The following PDE4D variants were observed in gnomAD, a reference collection of about 807,000 sequenced individuals.
The protein encoded by PDE4D is 3',5'-cyclic-AMP phosphodiesterase 4D.
A neutral mutation model predicts 87.4 loss-of-function variants in PDE4D; 24 were observed. The ratio of observed to expected loss-of-function variants is 0.27; its 90% CI spans 0.20 to 0.39. The LOEUF (loss-of-function observed/expected upper bound fraction) is 0.39. Ranked by LOEUF, PDE4D falls within the 10% of genes least tolerant of loss-of-function variation. The pLI is 1.00. For synonymous variants in PDE4D, 384 were observed against 383.2 expected (o/e 1.00, Z -0.02); for missense variants, 714 against 1,041.0 (o/e 0.69, Z 4.32).
intron 1 of PDE4D, among the ~76,000 whole-genome samples, chr5:59,696,804 C>G (rs937210976): frequency 2.6e-5 from 4 of 152,220 alleles, no homozygotes; most frequent in Admixed American, 1.3e-4. Context: ...AATAACTGTG[C>G]TTCACACAGC....
At chr5:60,428,488 C>T (rs1294146178) in intron 1 of PDE4D, among the ~76,000 whole-genome samples, 1 of 152,068 alleles carries the variant, frequency 6.6e-6, no homozygotes, top group Non-Finnish European at 1.5e-5. Context: ...TATACTGATG[C>T]CTGAAGGTAT....
intron 1 of PDE4D, among the ~76,000 whole-genome samples, chr5:59,612,567 A>G (rs193238786): frequency 1.8e-4 from 27 of 152,308 alleles, no homozygotes; most frequent in African/African-American, 6.5e-4. Flanking sequence ...AGGAGAGATG[A>G]AAAATAAACA....
chr5:59,447,703 T>C (rs987267764), intron 1 of PDE4D, among the ~76,000 whole-genome samples: 2 of 152,224 alleles, frequency 1.3e-5, no homozygotes, highest in Admixed American at 1.3e-4. Flanking sequence ...AAGAATCTGA[T>C]TGTGTTATTG....
chr5:59,728,934 G>A (rs1300094717), intron 1 of PDE4D, among the ~76,000 whole-genome samples: 1 of 152,012 alleles, frequency 6.6e-6, no homozygotes, highest in Non-Finnish European at 1.5e-5. Flanking sequence ...CACTTCTTAT[G>A]CTTATAATAT....
chr5:60,269,561 T>C (rs1750601917), intron 1 of PDE4D, among the ~76,000 whole-genome samples: 1 of 152,220 alleles, frequency 6.6e-6, no homozygotes, highest in Non-Finnish European at 1.5e-5. Flanking sequence ...TTTGGTTATA[T>C]TTTTGTTGGT....
chr5:59,448,165 TA>T (rs1221448526), intron 1 of PDE4D, among the ~76,000 whole-genome samples: 1 of 152,232 alleles, frequency 6.6e-6, no homozygotes, highest in Non-Finnish European at 1.5e-5. Context: ...TGGTAAAGGC[TA>T]AAGTATTTTG....
Position 60,144,770 on chromosome 5 carries a change from A to G in PDE4D, c.42+40787T>C, listed in dbSNP as rs562107235. Among the ~76,000 whole-genome samples, 2 of 152,334 alleles carry G rather than the reference A, an allele frequency of 1.3e-5. 1 individual carries two copies. Among genetic ancestry groups the G allele is most frequent in the South Asian group, 4.1e-4 (2 of 4,826 alleles). On this transcript the variant is annotated intron_variant, in intron 2 of 16. Transcript: ENST00000502484. ...CTTCTTCACTATACTTAAGCATCCC[A>G]AGACAGAATTTTGCCTTTGTCCAAT...
intron 1 of PDE4D, among the ~76,000 whole-genome samples, chr5:59,766,261 G>T (rs1762779401): frequency 6.6e-6 from 1 of 152,116 alleles, no homozygotes; most frequent in African/African-American, 2.4e-5. Context: ...GTCCATAGGG[G>T]AAACTGCTTC....
intron 2 of PDE4D, among the ~76,000 whole-genome samples, chr5:60,024,307 AC>A (rs1766398550): frequency 6.6e-6 from 1 of 152,208 alleles, no homozygotes; most frequent in East Asian, 1.9e-4. Context: ...ATGTACTTAA[AC>A]AAAAGTTCTG....
intron 1 of PDE4D, among the ~76,000 whole-genome samples, chr5:59,264,854 C>T (rs764432642): frequency 2.6e-5 from 4 of 152,152 alleles, no homozygotes; most frequent in East Asian, 1.9e-4. Context: ...TAACACTTCA[C>T]GCCACAAGAA....
At chr5:59,353,569 G>A (rs1163145966) in intron 1 of PDE4D, among the ~76,000 whole-genome samples, 1 of 152,084 alleles carries the variant, frequency 6.6e-6, no homozygotes, top group Non-Finnish European at 1.5e-5. Context: ...ATCTTTGTAA[G>A]TGGTGCCCTA....
intron 2 of PDE4D, among the ~76,000 whole-genome samples, chr5:59,194,821 T>C (rs1364048790): frequency 6.6e-6 from 1 of 152,270 alleles, no homozygotes; most frequent in South Asian, 2.1e-4. Flanking sequence ...TAATAAGTGG[T>C]AGAGGCAGGA....
Position 59,596,588 on chromosome 5 carries a change from T to C in PDE4D, c.455+296580A>G, listed in dbSNP as rs147795315. On this transcript the variant is annotated intron_variant, in intron 1 of 14. Coordinates refer to ENST00000340635, the MANE Select transcript of PDE4D (RefSeq NM_001104631.2). The stretch of plus-strand genomic sequence containing the variant: ...GCATAATAAGGACTCAGAGTCCTTA[T>C]TATCTTGACATTGACTTTGTTAAGT... Among the ~76,000 whole-genome samples, 881 of 152,112 alleles carry C rather than the reference T, an allele frequency of 5.8e-3. 11 individuals are homozygous for C. The highest frequency in any genetic ancestry group is 0.019 in the African/African-American group (808 of 41,524).
intron 3 of PDE4D, among the ~76,000 whole-genome samples, chr5:59,985,704 T>C (rs1229722209): frequency 1.3e-5 from 2 of 152,222 alleles, no homozygotes; most frequent in African/African-American, 4.8e-5. Flanking sequence ...ATAGTAAGCA[T>C]GACATTGCTT....
At chr5:59,540,974 A>G (rs939504924) in intron 1 of PDE4D, among the ~76,000 whole-genome samples, 18 of 152,184 alleles carry the variant, frequency 1.2e-4, no homozygotes, top group African/African-American at 4.3e-4. Flanking sequence ...TTAGGAAGAA[A>G]GAAGACCTTA....
intron 1 of PDE4D, among the ~76,000 whole-genome samples, chr5:59,874,797 G>A (rs1379506521): frequency 2.0e-5 from 3 of 152,066 alleles, no homozygotes; most frequent in Non-Finnish European, 4.4e-5. Flanking sequence ...ATATAGATGG[G>A]ACTAATGGAG....
chr5:59,860,141 T>C (rs1356238879), intron 1 of PDE4D, among the ~76,000 whole-genome samples: 1 of 152,140 alleles, frequency 6.6e-6, no homozygotes, highest in Non-Finnish European at 1.5e-5. Context: ...GGATAATGGG[T>C]CACATTTCCT....
Position 59,020,422 on chromosome 5 carries a change from G to A in PDE4D, c.921+18437C>T, listed in dbSNP as rs555801739. Among the ~76,000 whole-genome samples, 128 of 150,368 alleles carry A rather than the reference G, an allele frequency of 8.5e-4. 2 individuals carry two copies. The highest frequency in any genetic ancestry group is 2.7e-3 in the African/African-American group (108 of 39,870). ...CAGGAGGTGGAGGTGGCAGTGAGCCGAGATTGTGCTACTGCACTCCAGCTT... is the reference window on the plus strand; with the variant it reads ...CAGGAGGTGGAGGTGGCAGTGAGCCAAGATTGTGCTACTGCACTCCAGCTT... On this transcript the variant is annotated intron_variant, in intron 6 of 14. Coordinates refer to ENST00000340635, the MANE Select transcript of PDE4D (RefSeq NM_001104631.2).
chr5:59,467,202 G>T (rs572651138), intron 1 of PDE4D, among the ~76,000 whole-genome samples: 2 of 152,232 alleles, frequency 1.3e-5, no homozygotes, highest in Admixed American at 1.3e-4. Flanking sequence ...TACTATTTAC[G>T]CTTGCAGTCT....
Sources: allele counts gnomAD v4.1 joint callset (sites outside exome capture counted in the v4.1 genomes callset), GRCh38; gene constraint gnomAD v4.1.1; transcripts MANE v1.5; gene names NCBI Gene and HGNC (gene_info 2026-07-23, HGNC 2026-07-21).